The following DERPC variants were observed in gnomAD, a reference collection of about 807,000 sequenced individuals.
DERPC encodes DERPC proline and glycine rich nuclear protein.
DERPC carries 1 observed loss-of-function variant against 7.2 expected under a neutral mutation model. The observed-to-expected ratio is 0.14, with a 90% CI of 0.05 to 0.66. DERPC has a LOEUF of 0.66. DERPC is among the 30% of genes least tolerant of loss of function. The pLI is 0.84. For missense variants in DERPC, 502 were observed against 299.4 expected, an observed-to-expected ratio of 1.68 and a Z score of -4.99; for synonymous variants, 185 against 117.6, an observed-to-expected ratio of 1.57 and a Z score of -3.71.
intron 1 of DERPC, among the ~76,000 whole-genome samples, chr16:69,131,885 C>T (rs949032029): frequency 2.0e-5 from 3 of 151,982 alleles, no homozygotes; most frequent in African/African-American, 7.2e-5. Flanking sequence ...CTCCAACCAC[C>T]CTTCCAATTA....
chr16:69,125,073 T>C (rs1961961853), intron 1 of DERPC, among the ~76,000 whole-genome samples: 1 of 151,824 alleles, frequency 6.6e-6, no homozygotes, highest in African/African-American at 2.4e-5. Flanking sequence ...CCCGGCTAAT[T>C]TTGTATTTTT....
Position 69,120,522 on chromosome 16 carries a change from G to A in DERPC, c.-94C>T, listed in dbSNP as rs762253492. On this transcript the variant is annotated 5_prime_UTR_variant, in exon 3 of 3. Coordinates refer to ENST00000519520, the MANE Select transcript of DERPC (RefSeq NM_001002847.4). The surrounding 1 kb of genome is among the most constrained non-coding windows in gnomAD (Gnocchi z 4.0). ...TGCTGTCACCAGGTACCGGGTGCCA[G>A]TCTCGCGGCCAAGCTCATCACAGTC... 1 of 1,614,186 alleles carries A rather than the reference G, an allele frequency of 6.2e-7. No homozygotes were observed. Among genetic ancestry groups the A allele is most frequent in the South Asian group, 1.1e-5 (1 of 91,082 alleles).
intron 2 of DERPC, 100 bp downstream of exon 2, chr16:69,121,324 GCAAGGATTTGTA>G: frequency 2.5e-6 from 3 of 1,215,020 alleles, no homozygotes; most frequent in Non-Finnish European, 3.5e-6. Flanking sequence ...AGATCAGAAT[GCAAGGATTTGTA>G]CAAGATGCAC....
intron 1 of DERPC, among the ~76,000 whole-genome samples, chr16:69,123,721 G>C (rs17691463): frequency 0.031 from 4,788 of 152,172 alleles, 108 homozygotes; most frequent in Non-Finnish European, 0.042. Context: ...ATGGTAAGCT[G>C]ACTTCTGATG....
chr16:69,132,544 G>T lies in DERPC; in HGVS notation c.-340C>A, dbSNP rs886548736. 2 of 358,158 alleles carry T rather than the reference G, an allele frequency of 5.6e-6. No individual in the cohort carries two copies. The highest frequency in any genetic ancestry group is 3.8e-5 in the Admixed American group (1 of 26,580). 22.2% of individuals were successfully genotyped at this position (358,158 alleles called of 1,614,324 possible). On this transcript the variant is annotated 5_prime_UTR_variant, in exon 1 of 3. Coordinates refer to ENST00000519520, the MANE Select transcript of DERPC (RefSeq NM_001002847.4). ...CCAACGGGCGACAACCGAACCTCCC[G>T]CCGCCGTCGCCGCCGCCGCGAGCAC...
At chr16:69,125,509 G>C (rs1439113144) in intron 1 of DERPC, among the ~76,000 whole-genome samples, 1 of 152,146 alleles carries the variant, frequency 6.6e-6, no homozygotes, top group Non-Finnish European at 1.5e-5. Context: ...AAGTATTAAT[G>C]AGAACGAAAA....
chr16:69,123,926 A>T (rs1305532547), intron 1 of DERPC, among the ~76,000 whole-genome samples: 40 of 55,896 alleles, frequency 7.2e-4, no homozygotes, highest in African/African-American at 2.4e-3. Flanking sequence ...CATCTCTACT[A>T]AAAAAAAAAA....
At position 69,118,488 on chromosome 16, in the gene DERPC, GACT is replaced by G. The variant is rs1961341077; in HGVS notation, c.*363_*365del. On this transcript the variant is annotated 3_prime_UTR_variant, in exon 3 of 3. Transcript: ENST00000519520. Reference sequence around the variant, plus strand: ...GCTGATTCTCCAATGGTGAGCAGGGGACTACATGTGAACTGGGACCTGCAGGCC... The same window carrying G: ...GCTGATTCTCCAATGGTGAGCAGGGGACATGTGAACTGGGACCTGCAGGCC... 1 of 1,352,990 alleles carries G rather than the reference GACT, an allele frequency of 7.4e-7. No individual in the cohort carries two copies. 83.8% of individuals were successfully genotyped at this position (1,352,990 alleles called of 1,614,324 possible).
At chr16:69,130,309 TTTTG>T (rs145111172) in intron 1 of DERPC, among the ~76,000 whole-genome samples, 16,130 of 152,092 alleles carry the variant, frequency 0.11, 1,076 homozygotes, top group Non-Finnish European at 0.15. Context: ...GTTTTAGAAA[TTTTG>T]TTTTTTTTTC....
intron 1 of DERPC, among the ~76,000 whole-genome samples, chr16:69,125,922 T>C (rs562496515): frequency 2.6e-4 from 40 of 152,334 alleles, no homozygotes; most frequent in African/African-American, 9.1e-4. Context: ...TGAGGTGCTT[T>C]AAAGACCCCA....
At position 69,119,522 on chromosome 16, in the gene DERPC, G is replaced by A. The variant is rs1280373148; in HGVS notation, c.907C>T (p.Pro303Ser). 2 of 702,900 alleles carry A rather than the reference G, an allele frequency of 2.8e-6. No homozygotes were observed. Among genetic ancestry groups the A allele is most frequent in the Admixed American group, 4.0e-5 (2 of 50,020 alleles). The allele number at this position is 702,900 out of a possible 1,614,324, so 43.5% of individuals were successfully genotyped here. ...CCAGGTACTCTTGCCATGGAGGATG[G>A]GCTTGTGCCCATGTTTCCAGAAGCC... is the stretch of plus-strand genomic sequence containing the variant. ...SQASGNMGTS[P>S]SSMARVPGPM... Residue 303 changes from proline (P) to serine (S), a missense_variant, in exon 3 of 3, where the codon CCA becomes TCA. Coordinates refer to ENST00000519520, the MANE Select transcript of DERPC (RefSeq NM_001002847.4).
intron 1 of DERPC, among the ~76,000 whole-genome samples, chr16:69,122,730 C>T (rs1006949396): frequency 7.2e-5 from 11 of 151,920 alleles, no homozygotes; most frequent in African/African-American, 2.2e-4. Flanking sequence ...TTAGTAGAGA[C>T]GAGGTTTCTT....
At position 69,123,128 on chromosome 16, in the gene DERPC, C is replaced by G. The variant is rs534191780; in HGVS notation, c.-279-1635G>C. Among the ~76,000 whole-genome samples, 6 of 152,242 alleles carry G rather than the reference C, an allele frequency of 3.9e-5. No homozygotes were observed. In the South Asian group the frequency reaches 1.2e-3, roughly 32 times the overall value. On this transcript the variant is annotated intron_variant, in intron 1 of 2. Transcript: ENST00000519520. ...CAAGATGGAGTGAGCAAAATCATAG[C>G]TCACTGAGGCCTTTACTGCCCGGGC...
At chr16:69,121,317 T>C (rs759713674) in intron 2 of DERPC, 119 bp downstream of exon 2, 2 of 1,212,600 alleles carry the variant, frequency 1.6e-6, no homozygotes, top group Middle Eastern at 2.0e-4. Context: ...GAACTAGAGA[T>C]CAGAATGCAA....
chr16:69,119,808 T>C lies in DERPC; in HGVS notation c.621A>G (p.Pro207=). 1.4e-6 allele frequency: 1 copy of C among 701,028 alleles called. No individual in the cohort carries two copies. 43.4% of individuals were successfully genotyped at this position (701,028 alleles called of 1,614,324 possible). ...PPNPRPVGLG[P]GPNPNLRSGF... Reference sequence around the variant, plus strand: ...CTGATCTCAGATTGGGGTTTGGTCCTGGGCCCAGGCCAACTGGCCTAGGAT... The same window carrying C: ...CTGATCTCAGATTGGGGTTTGGTCCCGGGCCCAGGCCAACTGGCCTAGGAT... The change falls in exon 3 of 3, where the codon CCA becomes CCG. Residue 207 remains proline (P), a synonymous_variant. Transcript: ENST00000519520.
At chr16:69,124,035 T>G (rs1961881626) in intron 1 of DERPC, among the ~76,000 whole-genome samples, 2 of 147,244 alleles carry the variant, frequency 1.4e-5, no homozygotes, top group South Asian at 4.2e-4. Context: ...ACCTGGGAGA[T>G]AAAGGTTGCA....
At chr16:69,125,582 A>G (rs554437966) in intron 1 of DERPC, among the ~76,000 whole-genome samples, 11 of 152,360 alleles carry the variant, frequency 7.2e-5, no homozygotes, top group African/African-American at 2.6e-4. Flanking sequence ...GCAATATGGA[A>G]TCAAGAGAGC....
intron 1 of DERPC, among the ~76,000 whole-genome samples, chr16:69,123,383 C>T (rs1298400402): frequency 6.6e-6 from 1 of 152,124 alleles, no homozygotes; most frequent in African/African-American, 2.4e-5. Flanking sequence ...GGGGGCCAGG[C>T]GCGGTGTCTC....
chr16:69,131,056 A>G (rs1371423300), intron 1 of DERPC, among the ~76,000 whole-genome samples: 1 of 152,212 alleles, frequency 6.6e-6, no homozygotes, highest in Non-Finnish European at 1.5e-5. Flanking sequence ...TGAAGGGGAC[A>G]GGTCTATACT....
Sources: allele counts gnomAD v4.1 joint callset (sites outside exome capture counted in the v4.1 genomes callset), GRCh38; gene constraint gnomAD v4.1.1; non-coding constraint Gnocchi (gnomAD v3.1); transcripts MANE v1.5; gene names NCBI Gene and HGNC (gene_info 2026-07-23, HGNC 2026-07-21).